EPHA6: variants seen among roughly 807,000 people sequenced by gnomAD.
EPHA6 encodes ephrin type-A receptor 6.
EPHA6 carries 50 observed loss-of-function variants against 112.0 expected under a neutral mutation model. The ratio of observed to expected loss-of-function variants is 0.45; its 90% confidence interval spans 0.36 to 0.56. EPHA6 has a LOEUF of 0.56. Ranked by LOEUF, EPHA6 falls within the 20% of genes least tolerant of loss-of-function variation. The pLI is 0.00. For missense variants in EPHA6, 1,280 were observed against 1,417.4 expected, an observed-to-expected ratio of 0.90 and a Z score of 1.56; for synonymous variants, 529 against 490.7, an observed-to-expected ratio of 1.08 and a Z score of -1.03.
intron 5 of EPHA6, among the ~76,000 whole-genome samples, chr3:97,348,808 T>A (rs2083661723): frequency 6.6e-6 from 1 of 152,028 alleles, no homozygotes. Flanking sequence ...GGGATGGGGC[T>A]CAGATGAGTA....
At chr3:97,210,567 CACTTCCCT>C (rs1271761328) in intron 3 of EPHA6, among the ~76,000 whole-genome samples, 4 of 152,174 alleles carry the variant, frequency 2.6e-5, no homozygotes, top group Non-Finnish European at 5.9e-5. Context: ...TTCACTCCAT[CACTTCCCT>C]AGATTGCAAA....
intron 14 of EPHA6, among the ~76,000 whole-genome samples, chr3:97,674,234 T>C (rs2031138942): frequency 6.6e-6 from 1 of 152,150 alleles, no homozygotes; most frequent in Non-Finnish European, 1.5e-5. Flanking sequence ...AGTGAACATA[T>C]TATCTGAATT....
intron 1 of EPHA6, among the ~76,000 whole-genome samples, chr3:96,860,005 A>G (rs1337815805): frequency 6.6e-6 from 1 of 152,172 alleles, no homozygotes; most frequent in Non-Finnish European, 1.5e-5. Context: ...AGTGAAAGTT[A>G]AAGTAGAAAA....
chr3:97,287,036 T>G (rs772352079), intron 5 of EPHA6, among the ~76,000 whole-genome samples: 8 of 152,244 alleles, frequency 5.3e-5, no homozygotes, highest in South Asian at 2.1e-4. Context: ...TCATTTCCTT[T>G]TCTGCTAGTT....
At chr3:97,131,740 T>G (rs2075628740) in intron 3 of EPHA6, among the ~76,000 whole-genome samples, 1 of 152,056 alleles carries the variant, frequency 6.6e-6, no homozygotes, top group Non-Finnish European at 1.5e-5. Flanking sequence ...ACATGTAGAG[T>G]AATAAACATT....
intron 3 of EPHA6, among the ~76,000 whole-genome samples, chr3:97,216,904 G>C (rs2078049420): frequency 6.6e-6 from 1 of 152,110 alleles, no homozygotes; most frequent in East Asian, 1.9e-4. Context: ...AAGAATTTAG[G>C]ATGACTCAAG....
At chr3:97,567,104 AT>A (rs1159302882) in intron 11 of EPHA6, among the ~76,000 whole-genome samples, 1 of 152,206 alleles carries the variant, frequency 6.6e-6, no homozygotes, top group African/African-American at 2.4e-5. Flanking sequence ...TATTCTACAA[AT>A]GATTTCACAT....
At chr3:97,526,360 T>A (rs2092619988) in intron 10 of EPHA6, among the ~76,000 whole-genome samples, 2 of 152,190 alleles carry the variant, frequency 1.3e-5, no homozygotes, top group Non-Finnish European at 2.9e-5. Flanking sequence ...GCATGTCTCC[T>A]GGTGGGATTC....
rs548453540 is a variant in EPHA6 at position 97,418,020 on chromosome 3, A to T, written c.1731+12746A>T. On this transcript the variant is annotated intron_variant, in intron 6 of 17. Transcript: ENST00000389672. ...GTATCCCAAGGACTTTTGATGCGTT[A>T]AAGAATCATACACAAAACAACTATG... is the stretch of plus-strand genomic sequence containing the variant. 7.2e-5 allele frequency among the ~76,000 whole-genome samples: 11 copies of T among 152,334 alleles called. No homozygotes were observed. The South Asian group carries it at 2.3e-3, about 32-fold the overall frequency.
At chr3:97,663,025 T>C (rs1225728184) in intron 14 of EPHA6, among the ~76,000 whole-genome samples, 1 of 152,154 alleles carries the variant, frequency 6.6e-6, no homozygotes, top group Non-Finnish European at 1.5e-5. Flanking sequence ...CAATGACTAC[T>C]AAGGATATGA....
chr3:97,242,208 A>G (rs2078868153), intron 4 of EPHA6, among the ~76,000 whole-genome samples: 1 of 151,678 alleles, frequency 6.6e-6, no homozygotes, highest in Admixed American at 6.6e-5. Flanking sequence ...AACTATCCAT[A>G]CTCATTCCAA....
At chr3:96,952,079 C>G (rs1187328981) in intron 2 of EPHA6, among the ~76,000 whole-genome samples, 2 of 152,082 alleles carry the variant, frequency 1.3e-5, no homozygotes, top group Non-Finnish European at 2.9e-5. Context: ...CATCACTCAG[C>G]CTGGGTACTT....
intron 14 of EPHA6, among the ~76,000 whole-genome samples, chr3:97,685,914 A>G (rs2032212503): frequency 6.6e-6 from 1 of 152,176 alleles, no homozygotes; most frequent in Non-Finnish European, 1.5e-5. Context: ...TCCACATCTT[A>G]CTATTATTCT....
chr3:97,182,541 T>C (rs1267094221), intron 3 of EPHA6, among the ~76,000 whole-genome samples: 1 of 152,044 alleles, frequency 6.6e-6, no homozygotes, highest in African/African-American at 2.4e-5. Context: ...TCATAGTTTT[T>C]CAACTGGAAC....
At chr3:96,872,206 A>T (rs2036665792) in intron 2 of EPHA6, among the ~76,000 whole-genome samples, 3 of 152,076 alleles carry the variant, frequency 2.0e-5, no homozygotes, top group South Asian at 4.1e-4. Context: ...AATCATTTGC[A>T]GTAGGAGGAA....
chr3:97,166,254 T>G (rs758319342), intron 3 of EPHA6, among the ~76,000 whole-genome samples: 5 of 152,148 alleles, frequency 3.3e-5, no homozygotes, highest in Non-Finnish European at 7.4e-5. Flanking sequence ...ACAATTAGTT[T>G]GATATTAAAA....
chr3:97,606,491 T>C (rs989916489), intron 12 of EPHA6, among the ~76,000 whole-genome samples: 1 of 151,246 alleles, frequency 6.6e-6, no homozygotes, highest in Non-Finnish European at 1.5e-5. Context: ...CAAAAGGGTT[T>C]CAAACCTGGA....
At chr3:97,557,258 C>T (rs2093124811) in intron 11 of EPHA6, among the ~76,000 whole-genome samples, 1 of 151,930 alleles carries the variant, frequency 6.6e-6, no homozygotes. Context: ...TTTTACTTAG[C>T]TGTATCTGCT....
intron 3 of EPHA6, among the ~76,000 whole-genome samples, chr3:97,113,864 CAA>C (rs1479131913): frequency 2.0e-5 from 3 of 151,962 alleles, no homozygotes; most frequent in Non-Finnish European, 4.4e-5. Context: ...AAAAGAAAAA[CAA>C]AAACAATATT....
Sources: gnomAD v4.1 joint callset for allele counts (sites outside exome capture counted in the v4.1 genomes callset) on GRCh38, gnomAD v4.1.1 for gene constraint, MANE v1.5 for transcripts, NCBI Gene and HGNC (gene_info 2026-07-23, HGNC 2026-07-21) for gene names.